The following MOCOS variants were observed in gnomAD, a reference collection of about 807,000 sequenced individuals.
MOCOS encodes the protein human molybdenum cofactor sulfurase.
MOCOS carries 86 observed loss-of-function variants against 83.6 expected under a neutral mutation model. That is an observed-to-expected ratio of 1.03 (90% CI 0.86 to 1.23). The LOEUF (loss-of-function observed/expected upper bound fraction) is 1.23, where lower values mean the gene tolerates loss of function less well. MOCOS is among the 50% of genes most tolerant of loss of function. The pLI, the probability that MOCOS is intolerant of heterozygous loss-of-function variation, is 0.00. For synonymous variants in MOCOS, 445 were observed against 434.7 expected (o/e 1.02, Z -0.29); for missense variants, 1,120 against 1,126.9 (o/e 0.99, Z 0.09).
chr18:36,253,191 G>A (rs2091628213), intron 11 of MOCOS, among the ~76,000 whole-genome samples: 1 of 152,220 alleles, frequency 6.6e-6, no homozygotes, highest in Admixed American at 6.5e-5. Context: ...GAGGCTGGCT[G>A]AGATAGTTAA....
intron 7 of MOCOS, 38 bp downstream of exon 7, chr18:36,213,520 G>A (rs775658541): frequency 3.9e-6 from 6 of 1,555,788 alleles, no homozygotes; most frequent in South Asian, 3.3e-5. Context: ...GCTGGTCAGC[G>A]AGACCCAGCA....
intron 1 of MOCOS, among the ~76,000 whole-genome samples, chr18:36,193,317 C>CAAAAAAAAAAAAAAA (rs555145311): frequency 5.2e-5 from 2 of 38,310 alleles, no homozygotes; most frequent in African/African-American, 2.0e-4. Flanking sequence ...GACTCCGTCT[C>CAAAAAAAAAAAAAAA]AAAAAAAAAA....
At chr18:36,224,985 T>C (rs1031743503) in intron 9 of MOCOS, among the ~76,000 whole-genome samples, 4 of 152,214 alleles carry the variant, frequency 2.6e-5, no homozygotes, top group African/African-American at 9.6e-5. Flanking sequence ...TTAGTTTCGA[T>C]AGATAGTATG....
intron 1 of MOCOS, among the ~76,000 whole-genome samples, chr18:36,193,042 T>C (rs1055436092): frequency 6.6e-6 from 1 of 151,880 alleles, no homozygotes; most frequent in Admixed American, 6.5e-5. Context: ...CCGGGCGCGG[T>C]GGCTCACGCC....
intron 9 of MOCOS, among the ~76,000 whole-genome samples, chr18:36,247,691 G>A (rs1007272511): frequency 6.6e-6 from 1 of 151,434 alleles, no homozygotes. Context: ...CCCCAATGGG[G>A]ATGTGTGTTC....
At chr18:36,196,115 A>C (rs1179494025) in intron 2 of MOCOS, among the ~76,000 whole-genome samples, 1 of 152,188 alleles carries the variant, frequency 6.6e-6, no homozygotes, top group Non-Finnish European at 1.5e-5. Flanking sequence ...AGGGAGAAGA[A>C]GCCAGTGCAG....
At chr18:36,213,581 A>C in intron 7 of MOCOS, 99 bp downstream of exon 7, 1 of 930,396 alleles carries the variant, frequency 1.1e-6, no homozygotes, top group East Asian at 2.5e-5. Context: ...CTGCATACTC[A>C]TTTCTCCACG....
chr18:36,193,108 G>C (rs1250540352), intron 1 of MOCOS, among the ~76,000 whole-genome samples: 1 of 149,320 alleles, frequency 6.7e-6, no homozygotes, highest in African/African-American at 2.5e-5. Context: ...TCAGGAGATC[G>C]AGACCATCCT....
intron 2 of MOCOS, among the ~76,000 whole-genome samples, chr18:36,197,334 C>T (rs1415505344): frequency 6.6e-6 from 1 of 152,146 alleles, no homozygotes; most frequent in Non-Finnish European, 1.5e-5. Context: ...TTAAACAGAG[C>T]CACAGCCACC....
chr18:36,236,044 TG>T (rs2091557437), intron 9 of MOCOS, among the ~76,000 whole-genome samples: 1 of 138,570 alleles, frequency 7.2e-6, no homozygotes, highest in Non-Finnish European at 1.6e-5. Flanking sequence ...CTTTGTCAGA[TG>T]AGTAGGTTGT....
chr18:36,198,735 CTG>C lies in MOCOS; in HGVS notation c.281_282del (p.Val94GlyfsTer90). On this transcript the variant is annotated frameshift_variant, in exon 3 of 15. Coordinates refer to ENST00000261326, the MANE Select transcript of MOCOS (RefSeq NM_017947.4). LOFTEE classifies it high-confidence loss of function. Reference sequence around the variant, plus strand: ...ATCAGCAGCAAGCTCACCCATGACACTGTGGAGCAGGTGCGCTACAGGTAAGC... The same window carrying C: ...ATCAGCAGCAAGCTCACCCATGACACTGGAGCAGGTGCGCTACAGGTAAGC... 6.2e-7 allele frequency: 1 copy of C among 1,614,230 alleles called. No individual in the cohort carries two copies. The highest frequency in any genetic ancestry group is 1.6e-4 in the Middle Eastern group (1 of 6,062).
chr18:36,203,095 C>A lies in MOCOS; in HGVS notation c.942-18C>A. On this transcript the variant is annotated intron_variant, in intron 4 of 14. Coordinates refer to ENST00000261326, the MANE Select transcript of MOCOS (RefSeq NM_017947.4). ...TTTGACCACAGCTTGACCTGTTCTC[C>A]TTACCCCGTGGTTATAGGTTTGAAG... 6.2e-7 allele frequency: 1 copy of A among 1,612,414 alleles called. No individual in the cohort carries two copies. Among genetic ancestry groups the A allele is most frequent in the African/African-American group, 1.3e-5 (1 of 75,002 alleles).
intron 2 of MOCOS, among the ~76,000 whole-genome samples, chr18:36,198,306 T>G (rs752902199): frequency 1.3e-5 from 2 of 152,138 alleles, no homozygotes; most frequent in Non-Finnish European, 2.9e-5. Flanking sequence ...GGAGGATCGC[T>G]TGAGCCCAGG....
intron 6 of MOCOS, 125 bp downstream of exon 6, chr18:36,205,401 C>A: frequency 1.0e-6 from 1 of 974,540 alleles, no homozygotes; most frequent in Non-Finnish European, 1.6e-6. Context: ...ACATGCCTTT[C>A]CACCTTCATT....
intron 13 of MOCOS, among the ~76,000 whole-genome samples, chr18:36,262,759 A>C (rs536567603): frequency 6.6e-6 from 1 of 152,214 alleles, no homozygotes. Flanking sequence ...TCAGCCTCCC[A>C]GTGTTGGGAT....
At chr18:36,220,331 C>A (rs553395394) in intron 9 of MOCOS, 114 bp downstream of exon 9, 1 of 1,320,760 alleles carries the variant, frequency 7.6e-7, no homozygotes, top group Non-Finnish European at 1.0e-6. Context: ...TACAGTGAGA[C>A]CTCATCTCTA....
At chr18:36,231,235 T>C (rs1008075773) in intron 9 of MOCOS, among the ~76,000 whole-genome samples, 24 of 152,242 alleles carry the variant, frequency 1.6e-4, no homozygotes, top group Non-Finnish European at 2.8e-4. Context: ...CTAGATTGTC[T>C]ATAACTGAGC....
At chr18:36,241,201 A>G (rs1374360034) in intron 9 of MOCOS, among the ~76,000 whole-genome samples, 3 of 152,214 alleles carry the variant, frequency 2.0e-5, no homozygotes, top group African/African-American at 4.8e-5. Context: ...CATTAACTCA[A>G]AAGTCCACAG....
chr18:36,211,861 C>T (rs542555915), intron 6 of MOCOS, among the ~76,000 whole-genome samples: 41 of 152,260 alleles, frequency 2.7e-4, no homozygotes, highest in African/African-American at 8.7e-4. Flanking sequence ...AACAGAGTGC[C>T]GGGAGGATGA....
Sources: allele counts gnomAD v4.1 joint callset (sites outside exome capture counted in the v4.1 genomes callset), GRCh38; gene constraint gnomAD v4.1.1; transcripts MANE v1.5; gene names NCBI Gene and HGNC (gene_info 2026-07-23, HGNC 2026-07-21).